The following GPC6 variants were observed in gnomAD, a reference collection of about 807,000 sequenced individuals.
The protein encoded by GPC6 is glypican 6.
Under a neutral mutation model 55.2 loss-of-function variants are expected in GPC6, and 14 were observed. The observed-to-expected ratio is 0.25, with a 90% confidence interval of 0.17 to 0.40. GPC6 has a LOEUF of 0.40. GPC6 is among the 10% of genes least tolerant of loss of function. The pLI is 1.00. For synonymous variants in GPC6, 278 were observed against 259.6 expected, an observed-to-expected ratio of 1.07 and a Z score of -0.68; for missense variants, 641 against 708.5, an observed-to-expected ratio of 0.90 and a Z score of 1.08.
chr13:93,869,580 A>G (rs879258404), intron 3 of GPC6, among the ~76,000 whole-genome samples: 8 of 151,882 alleles, frequency 5.3e-5, no homozygotes, highest in Non-Finnish European at 8.8e-5. Flanking sequence ...TTCACCTAAA[A>G]TGGCATTGCA....
At chr13:94,288,961 A>AGATAGATAGATAGATCGATC (rs1555316177) in intron 5 of GPC6, among the ~76,000 whole-genome samples, 1 of 131,148 alleles carries the variant, frequency 7.6e-6, no homozygotes, top group African/African-American at 2.9e-5. Flanking sequence ...ATATATAGAT[A>AGATAGATAGATAGATCGATC]GATAGATAGA....
intron 6 of GPC6, among the ~76,000 whole-genome samples, chr13:94,326,766 A>T (rs1247076516): frequency 6.6e-6 from 1 of 152,248 alleles, no homozygotes; most frequent in Non-Finnish European, 1.5e-5. Flanking sequence ...TGAGTCCTTT[A>T]ACCTTTCCTC....
intron 1 of GPC6, among the ~76,000 whole-genome samples, chr13:93,271,568 T>C (rs943617486): frequency 6.6e-6 from 1 of 152,034 alleles, no homozygotes; most frequent in Non-Finnish European, 1.5e-5. Context: ...GTAAAACATA[T>C]GACTGGAAAG....
intron 2 of GPC6, among the ~76,000 whole-genome samples, chr13:93,553,989 A>T (rs1875312398): frequency 7.2e-6 from 1 of 138,270 alleles, no homozygotes; most frequent in Non-Finnish European, 1.6e-5. Flanking sequence ...AAAAAAAAAA[A>T]ATACAAAAAT....
chr13:94,076,960 GT>G (rs56870429), intron 4 of GPC6, among the ~76,000 whole-genome samples: 21,636 of 125,634 alleles, frequency 0.17, 1,585 homozygotes, highest in Admixed American at 0.25. Context: ...TGGTGCTTCT[GT>G]TTTTTTTTTT....
At chr13:93,348,736 T>C (rs1044619157) in intron 1 of GPC6, among the ~76,000 whole-genome samples, 1 of 152,226 alleles carries the variant, frequency 6.6e-6, no homozygotes, top group Non-Finnish European at 1.5e-5. Context: ...AGATCTCAGT[T>C]GGATAAAACA....
At chr13:93,469,602 G>A (rs2139326035) in intron 1 of GPC6, among the ~76,000 whole-genome samples, 1 of 152,230 alleles carries the variant, frequency 6.6e-6, no homozygotes, top group South Asian at 2.1e-4. Context: ...AAGAAATTAT[G>A]TTTGGACTCA....
intron 2 of GPC6, among the ~76,000 whole-genome samples, chr13:93,667,000 T>C (rs1463834111): frequency 6.6e-6 from 1 of 152,142 alleles, no homozygotes; most frequent in Admixed American, 6.5e-5. Context: ...AAATAACTTT[T>C]TTTTTGGAAC....
intron 2 of GPC6, among the ~76,000 whole-genome samples, chr13:93,643,318 G>T (rs553098207): frequency 1.3e-5 from 2 of 152,128 alleles, no homozygotes; most frequent in South Asian, 2.1e-4. Flanking sequence ...GAGTAGGGGG[G>T]TTCAAAACTT....
intron 4 of GPC6, among the ~76,000 whole-genome samples, chr13:94,185,258 GAAA>G (rs759584811): frequency 1.8e-5 from 1 of 56,500 alleles, no homozygotes; most frequent in Admixed American, 1.8e-4. Flanking sequence ...AATAAAAGTT[GAAA>G]AAAAAAAAAA....
At chr13:93,902,861 G>C (rs1376222946) in intron 3 of GPC6, among the ~76,000 whole-genome samples, 2 of 152,034 alleles carry the variant, frequency 1.3e-5, no homozygotes, top group African/African-American at 4.8e-5. Flanking sequence ...CTGGGTCTTT[G>C]CTGATTTTTA....
At chr13:94,356,427 T>G (rs1439959423) in intron 6 of GPC6, among the ~76,000 whole-genome samples, 1 of 151,872 alleles carries the variant, frequency 6.6e-6, no homozygotes, top group African/African-American at 2.4e-5. Context: ...TGGAATCTTG[T>G]AATGCAAATG....
intron 6 of GPC6, among the ~76,000 whole-genome samples, chr13:94,313,126 G>A (rs369312098): frequency 2.0e-5 from 3 of 152,176 alleles, no homozygotes; most frequent in East Asian, 1.9e-4. Flanking sequence ...ATTCTGTCTC[G>A]GTTTCTGCTC....
intron 4 of GPC6, among the ~76,000 whole-genome samples, chr13:94,163,124 A>T (rs542486185): frequency 6.6e-6 from 1 of 152,330 alleles, no homozygotes; most frequent in East Asian, 1.9e-4. Flanking sequence ...GCTACTGTAT[A>T]TAAAATATTG....
intron 4 of GPC6, among the ~76,000 whole-genome samples, chr13:94,240,840 TG>T (rs971065290): frequency 3.3e-5 from 5 of 152,078 alleles, no homozygotes; most frequent in African/African-American, 9.7e-5. Context: ...CCTGCAGGAA[TG>T]GTTTTCCTTT....
In GPC6 at chr13:93,837,661, A is replaced by G. The variant is rs546293474; in HGVS notation, c.711+7116A>G. Among the ~76,000 whole-genome samples the G allele has an allele frequency of 4.6e-5, 7 of 152,368 alleles. No homozygotes were observed. In the South Asian group the frequency reaches 1.5e-3, roughly 32 times the overall value. On this transcript the variant is annotated intron_variant, in intron 3 of 8. Transcript: ENST00000377047. ...AAGCAAATAATGTCAATATATAATG[A>G]ATACATATTCATTTATGTATATGAA...
At chr13:94,044,504 G>A (rs981890745) in intron 4 of GPC6, among the ~76,000 whole-genome samples, 1 of 151,830 alleles carries the variant, frequency 6.6e-6, no homozygotes, top group Non-Finnish European at 1.5e-5. Context: ...TAATAGCTGT[G>A]TAGTACTTCA....
chr13:94,205,377 C>T (rs376057064), intron 4 of GPC6, among the ~76,000 whole-genome samples: 1 of 152,124 alleles, frequency 6.6e-6, no homozygotes, highest in Non-Finnish European at 1.5e-5. Flanking sequence ...ATTTTTGCAG[C>T]CAGTATTGAC....
At chr13:94,237,202 T>C (rs1890905162) in intron 4 of GPC6, among the ~76,000 whole-genome samples, 1 of 152,036 alleles carries the variant, frequency 6.6e-6, no homozygotes, top group African/African-American at 2.4e-5. Flanking sequence ...TAAAATGGAA[T>C]TGGTACAGAG....
Sources: gnomAD v4.1 joint callset for allele counts (sites outside exome capture counted in the v4.1 genomes callset) on GRCh38, gnomAD v4.1.1 for gene constraint, MANE v1.5 for transcripts, NCBI Gene and HGNC (gene_info 2026-07-23, HGNC 2026-07-21) for gene names.